SVOPL: variants seen among roughly 807,000 people sequenced by gnomAD.
The protein encoded by SVOPL is putative transporter SVOPL.
A neutral mutation model predicts 61.0 loss-of-function variants in SVOPL; 60 were observed. The observed-to-expected ratio is 0.98, with a 90% CI of 0.80 to 1.22. The LOEUF (loss-of-function observed/expected upper bound fraction) is 1.22. Among genes scored for constraint, SVOPL ranks in the 50% most tolerant of loss-of-function variants. SVOPL has a pLI of 0.00. For missense variants in SVOPL, 662 were observed against 643.9 expected, an observed-to-expected ratio of 1.03 and a Z score of -0.30; for synonymous variants, 279 against 250.0, an observed-to-expected ratio of 1.12 and a Z score of -1.09.
intron 13 of SVOPL, among the ~76,000 whole-genome samples, chr7:138,622,138 GTATCTA>G (rs1799655410): frequency 1.7e-4 from 4 of 23,484 alleles, no homozygotes; most frequent in Admixed American, 4.7e-4. Flanking sequence ...ATCTATCTAT[GTATCTA>G]TCTATGTATC....
At chr7:138,661,212 C>A in intron 5 of SVOPL, 1 of 985,292 alleles carries the variant, frequency 1.0e-6, no homozygotes, top group Non-Finnish European at 1.2e-6. Flanking sequence ...AAAGACAGAC[C>A]TGGGTTTGTA....
chr7:138,646,115 G>A, intron 8 of SVOPL: 1 of 192,634 alleles, frequency 5.2e-6, no homozygotes, highest in Admixed American at 5.6e-5. Context: ...CGCCCGGCTG[G>A]CTTGTTTTTC....
chr7:138,645,554 C>CA (rs1431041628), intron 8 of SVOPL: 2 of 153,022 alleles, frequency 1.3e-5, no homozygotes, highest in African/African-American at 4.8e-5. Flanking sequence ...GCCCAGCCTC[C>CA]ACAGCAATAT....
intron 14 of SVOPL, among the ~76,000 whole-genome samples, chr7:138,620,501 T>C (rs1459924419): frequency 8.1e-5 from 12 of 148,788 alleles, no homozygotes; most frequent in Admixed American, 8.0e-4. Flanking sequence ...CATAGCCCTC[T>C]GAGGAACCAC....
intron 9 of SVOPL, among the ~76,000 whole-genome samples, chr7:138,631,163 G>A (rs1800167581): frequency 6.6e-6 from 1 of 152,142 alleles, no homozygotes; most frequent in African/African-American, 2.4e-5. Flanking sequence ...GCTAGAGTTT[G>A]AAGGGAACTT....
intron 4 of SVOPL, among the ~76,000 whole-genome samples, chr7:138,671,707 G>C (rs565940182): frequency 6.6e-6 from 1 of 152,200 alleles, no homozygotes; most frequent in African/African-American, 2.4e-5. Flanking sequence ...ATAATTCAGC[G>C]AGGGTGATTG....
At chr7:138,641,836 C>CAT (rs1371202219) in intron 9 of SVOPL, among the ~76,000 whole-genome samples, 866 of 30,244 alleles carry the variant, frequency 0.029, 7 homozygotes, top group Non-Finnish European at 0.046. Flanking sequence ...ATATATATAA[C>CAT]ATATATATAT....
chr7:138,629,975 A>T, intron 10 of SVOPL, 74 bp downstream of exon 10: 1 of 1,213,826 alleles, frequency 8.2e-7, no homozygotes, highest in African/African-American at 1.5e-5. Context: ...AGTGGCACTC[A>T]CATAGATTTA....
rs374693292 is a variant in SVOPL, at chr7:138,699,560, C to T, written c.-35+1618G>A. On this transcript the variant is annotated intron_variant, in intron 1 of 15. Coordinates refer to ENST00000674285, the MANE Select transcript of SVOPL (RefSeq NM_001139456.2). Reference sequence around the variant, plus strand: ...CTACTTTCCTACTGGAAAATAAGACCTCAAAACCTCTCCAAACTAGTCACT... The same window carrying T: ...CTACTTTCCTACTGGAAAATAAGACTTCAAAACCTCTCCAAACTAGTCACT... 1.2e-4 allele frequency among the ~76,000 whole-genome samples: 19 copies of T among 152,192 alleles called. No individual in the cohort carries two copies. The East Asian group carries it at 2.5e-3, about 20-fold the overall frequency.
chr7:138,644,759 G>T lies in SVOPL; in HGVS notation c.747C>A (p.Asn249Lys). 6.2e-7 allele frequency: 1 copy of T among 1,614,156 alleles called. No homozygotes were observed. Among genetic ancestry groups the T allele is most frequent in the African/African-American group, 1.3e-5 (1 of 75,042 alleles). Residue 249 changes from asparagine to lysine, a missense_variant, in exon 9 of 16, where the codon AAC (asparagine) becomes AAA (lysine). Coordinates refer to ENST00000674285, the MANE Select transcript of SVOPL (RefSeq NM_001139456.2). ...GCTTCCCCTCCGGCATGACCGAGCG[G>T]TTCATCTTGGCAACGCGCTCCAGAG... ...LATLERVAKM[N>K]RSVMPEGKLV... is the part of the protein sequence containing the mutation.
At chr7:138,689,326 A>C in intron 1 of SVOPL, 3 of 1,592,112 alleles carry the variant, frequency 1.9e-6, no homozygotes, top group Non-Finnish European at 1.7e-6. Flanking sequence ...GTCATTGAGC[A>C]TATCCAAGTG....
intron 13 of SVOPL, 45 bp from the exon 14 acceptor site, chr7:138,621,180 C>T (rs1228206240): frequency 5.8e-6 from 9 of 1,554,206 alleles, no homozygotes; most frequent in East Asian, 2.3e-5. Context: ...AATGTCCGTC[C>T]TTCCCCGAGC....
At chr7:138,617,570 C>T (rs1293749494) in intron 14 of SVOPL, among the ~76,000 whole-genome samples, 1 of 152,096 alleles carries the variant, frequency 6.6e-6, no homozygotes, top group Non-Finnish European at 1.5e-5. Flanking sequence ...TAACTGAGGC[C>T]AGGCTCAGCG....
chr7:138,661,550 C>T (rs1802001254), intron 5 of SVOPL: 1 of 985,284 alleles, frequency 1.0e-6, no homozygotes, highest in South Asian at 4.7e-5. Context: ...CTGTAGTTTC[C>T]AGACTAGCTG....
chr7:138,635,395 C>CTT (rs777908534), intron 9 of SVOPL, among the ~76,000 whole-genome samples: 2 of 140,306 alleles, frequency 1.4e-5, no homozygotes, highest in Non-Finnish European at 3.1e-5. Flanking sequence ...CTTTATTTTA[C>CTT]TTTTTTTTTT....
chr7:138,681,510 T>C lies in SVOPL; in HGVS notation c.-34-2431A>G, dbSNP rs560837595. ...TGGGCAATATCAAAGACCCCTGGGG[T>C]TGTAATGAAAGATTACAAAATTAAA... On this transcript the variant is annotated intron_variant, in intron 1 of 15. Transcript: ENST00000674285. Among the ~76,000 whole-genome samples the C allele has an allele frequency of 2.0e-5, 3 of 151,160 alleles. No homozygotes were observed. The South Asian group carries it at 6.3e-4, about 32-fold the overall frequency.
chr7:138,621,031 G>T lies in SVOPL; in HGVS notation c.1353+15C>A. Reference sequence around the variant, plus strand: ...TCTCAGACTCTCTCTCTCCCTGCAGGGTCCTTGGCTGTACCTGGGATATAA... The same window carrying T: ...TCTCAGACTCTCTCTCTCCCTGCAGTGTCCTTGGCTGTACCTGGGATATAA... On this transcript the variant is annotated intron_variant, in intron 14 of 15. Coordinates refer to ENST00000674285, the MANE Select transcript of SVOPL (RefSeq NM_001139456.2). 3 of 1,611,464 alleles carry T rather than the reference G, an allele frequency of 1.9e-6. No homozygotes were observed. The highest frequency in any genetic ancestry group is 2.5e-6 in the Non-Finnish European group (3 of 1,178,222).
intron 13 of SVOPL, among the ~76,000 whole-genome samples, chr7:138,621,918 G>GTATCTATC (rs1563095709): frequency 1.6e-4 from 3 of 18,548 alleles, no homozygotes; most frequent in Non-Finnish European, 2.5e-4. Context: ...ATCTATCTAT[G>GTATCTATC]TATCTATCTA....
chr7:138,665,517 G>T (rs550626025), intron 4 of SVOPL, among the ~76,000 whole-genome samples: 4 of 152,198 alleles, frequency 2.6e-5, no homozygotes, highest in Middle Eastern at 3.4e-3. Flanking sequence ...TAATGAGGGA[G>T]ATTGTGTACC....
Sources: allele counts gnomAD v4.1 joint callset (sites outside exome capture counted in the v4.1 genomes callset), GRCh38; gene constraint gnomAD v4.1.1; transcripts MANE v1.5; gene names NCBI Gene and HGNC (gene_info 2026-07-23, HGNC 2026-07-21).